Variants in RALGAPA1 observed in about 807,000 individuals in gnomAD.
The protein encoded by RALGAPA1 is ral GTPase-activating protein subunit alpha-1.
In RALGAPA1, 52 loss-of-function variants were observed where a neutral mutation model predicts 269.6. That is an observed-to-expected ratio of 0.19 (90% confidence interval 0.15 to 0.24). RALGAPA1 has a LOEUF of 0.24. Among genes scored for constraint, RALGAPA1 ranks in the 10% least tolerant of loss-of-function variants. RALGAPA1 has a pLI of 1.00. For missense variants in RALGAPA1, 1,917 were observed against 3,013.9 expected, an observed-to-expected ratio of 0.64 and a Z score of 8.52; for synonymous variants, 817 against 1,008.3, an observed-to-expected ratio of 0.81 and a Z score of 3.60.
intron 39 of RALGAPA1, among the ~76,000 whole-genome samples, chr14:35,551,652 G>A (rs1040424877): frequency 6.6e-6 from 1 of 151,940 alleles, no homozygotes; most frequent in African/African-American, 2.4e-5. Context: ...TCTAAAGCAG[G>A]GGAGGATATT....
intron 33 of RALGAPA1, among the ~76,000 whole-genome samples, chr14:35,633,916 AACTATGT>A (rs1025985481): frequency 3.3e-5 from 5 of 152,184 alleles, no homozygotes; most frequent in Non-Finnish European, 7.4e-5. Context: ...TTACTGAGTT[AACTATGT>A]ACTAAGTAAG....
intron 35 of RALGAPA1, among the ~76,000 whole-genome samples, chr14:35,613,999 A>AT (rs1256690128): frequency 6.6e-6 from 1 of 152,230 alleles, no homozygotes; most frequent in Non-Finnish European, 1.5e-5. Flanking sequence ...GGAAAAAGCA[A>AT]TACTAAAAAA....
Position 35,774,999 on chromosome 14 carries a change from C to A in RALGAPA1, c.267+7G>T, listed in dbSNP as rs1425664451. ...AAAAGGGAAAAGTTAGGTTCAGAAG[C>A]ACTTACCTCAAAAATAAAAAGTATA... is the stretch of plus-strand genomic sequence containing the variant. On this transcript the variant is annotated splice_region_variant and intron_variant, in intron 3 of 41. Coordinates refer to ENST00000680220, the MANE Select transcript of RALGAPA1 (RefSeq NM_001346249.2). The A allele has an allele frequency of 3.9e-6, 6 of 1,548,162 alleles. No homozygotes were observed. The highest frequency in any genetic ancestry group is 1.2e-5 in the South Asian group (1 of 85,302).
rs992860989 is a variant in RALGAPA1, at chr14:35,806,720, AT to A, written c.106+2009del. ...AAGCCTGTGTAACTGGCAATGCCCA[AT>A]TACTCTGCAAACTAGTTTCCTCATT... On this transcript the variant is annotated intron_variant, in intron 1 of 41. Coordinates refer to ENST00000680220, the MANE Select transcript of RALGAPA1 (RefSeq NM_001346249.2). 2.0e-4 allele frequency among the ~76,000 whole-genome samples: 30 copies of A among 152,308 alleles called. 1 individual carries two copies. The highest frequency in any genetic ancestry group is 1.0e-3 in the Admixed American group (16 of 15,288).
chr14:35,618,968 C>T (rs765092131), intron 35 of RALGAPA1, among the ~76,000 whole-genome samples: 8 of 150,324 alleles, frequency 5.3e-5, no homozygotes, highest in Non-Finnish European at 1.2e-4. Flanking sequence ...TATTGAATAT[C>T]CAATCAAATA....
At chr14:35,706,607 GCCTTT>G (rs2067831380) in intron 16 of RALGAPA1, 1 of 137,726 alleles carries the variant, frequency 7.3e-6, no homozygotes, top group Non-Finnish European at 1.5e-5. Context: ...TGGCTCTTTT[GCCTTT>G]CCTTTTTTTT....
chr14:35,612,561 CAG>C (rs2060009876), intron 35 of RALGAPA1, among the ~76,000 whole-genome samples: 1 of 142,672 alleles, frequency 7.0e-6, no homozygotes, highest in Admixed American at 7.1e-5. Flanking sequence ...TTTTTTGAGA[CAG>C]AGTCTTGCTC....
At chr14:35,777,679 C>A (rs1240115318) in intron 1 of RALGAPA1, among the ~76,000 whole-genome samples, 1 of 152,154 alleles carries the variant, frequency 6.6e-6, no homozygotes, top group Non-Finnish European at 1.5e-5. Flanking sequence ...TCTCCTGCCT[C>A]AGACTCCCGA....
chr14:35,737,958 C>T (rs150082174), intron 12 of RALGAPA1, among the ~76,000 whole-genome samples: 45 of 143,002 alleles, frequency 3.1e-4, no homozygotes, highest in African/African-American at 6.8e-4. Flanking sequence ...CATAGTGGCA[C>T]GCGCCTGTAA....
intron 39 of RALGAPA1, among the ~76,000 whole-genome samples, chr14:35,563,020 CAAAAAAAAAAA>C (rs71445944): frequency 3.0e-4 from 11 of 37,234 alleles, no homozygotes; most frequent in South Asian, 2.5e-3. Context: ...GAGTCCGTCT[CAAAAAAAAAAA>C]AAAAAAAAAA....
chr14:35,730,093 C>A lies in RALGAPA1; in HGVS notation c.1588-1583G>T, dbSNP rs114034091. Among the ~76,000 whole-genome samples, 772 of 152,256 alleles carry A rather than the reference C, an allele frequency of 5.1e-3. 7 individuals carry two copies. The highest frequency in any genetic ancestry group is 0.018 in the African/African-American group (745 of 41,542). On this transcript the variant is annotated intron_variant, in intron 12 of 41. Coordinates refer to ENST00000680220, the MANE Select transcript of RALGAPA1 (RefSeq NM_001346249.2). ...AACGGCAGAAGTGGGAAATGGAGATCCTTCTCTCCCGAAAACACACACCCA... is the reference window on the plus strand; with the variant it reads ...AACGGCAGAAGTGGGAAATGGAGATACTTCTCTCCCGAAAACACACACCCA...
At chr14:35,699,046 C>T (rs2067126996) in intron 17 of RALGAPA1, among the ~76,000 whole-genome samples, 1 of 152,024 alleles carries the variant, frequency 6.6e-6, no homozygotes, top group South Asian at 2.1e-4. Context: ...ATGTAAAATA[C>T]GTCCATTCAT....
intron 1 of RALGAPA1, among the ~76,000 whole-genome samples, chr14:35,802,952 T>C (rs2077087237): frequency 6.6e-6 from 1 of 152,080 alleles, no homozygotes; most frequent in African/African-American, 2.4e-5. Context: ...CCTCCCAAAG[T>C]GCTGGGATTA....
chr14:35,609,310 C>T lies in RALGAPA1; in HGVS notation c.6930-3601G>A, dbSNP rs547027082. On this transcript the variant is annotated intron_variant, in intron 35 of 41. Coordinates refer to ENST00000680220, the MANE Select transcript of RALGAPA1 (RefSeq NM_001346249.2). The stretch of plus-strand genomic sequence containing the variant: ...AATCATGCAAGGTATATTTTTTATC[C>T]ACAATGGAATGAAAGTAGAAATCAA... 9.2e-5 allele frequency among the ~76,000 whole-genome samples: 14 copies of T among 151,450 alleles called. No homozygotes were observed. The South Asian group carries it at 1.0e-3, about 11-fold the overall frequency.
chr14:35,566,885 T>TA (rs2056759361), intron 39 of RALGAPA1, among the ~76,000 whole-genome samples: 1 of 141,244 alleles, frequency 7.1e-6, no homozygotes, highest in African/African-American at 2.8e-5. Flanking sequence ...ATATATATAT[T>TA]TGTACTATAT....
Position 35,672,934 on chromosome 14 carries a change from G to A in RALGAPA1, c.5006C>T (p.Ser1669Phe). Residue 1669 changes from serine (S) to phenylalanine (F), a missense_variant, in exon 25 of 42, where the codon TCT becomes TTT. Transcript: ENST00000680220. ...ATGTGTTAGAAAATCTCTATTTGGA[G>A]AAACATCTTGTCTTCTTTTCATTGT... is the stretch of plus-strand genomic sequence containing the variant. ...CNTMKRRQDV[S>F]PNRDFLTHFY... The A allele has an allele frequency of 6.4e-7, 1 of 1,572,614 alleles. No homozygotes were observed. Among genetic ancestry groups the A allele is most frequent in the Non-Finnish European group, 8.6e-7 (1 of 1,160,156 alleles).
intron 1 of RALGAPA1, among the ~76,000 whole-genome samples, chr14:35,803,624 T>A (rs1391375113): frequency 2.0e-5 from 3 of 151,338 alleles, no homozygotes; most frequent in Admixed American, 2.0e-4. Context: ...GTATCTAGAA[T>A]ATATAAAGAA....
intron 36 of RALGAPA1, among the ~76,000 whole-genome samples, chr14:35,596,574 C>A (rs1031638861): frequency 6.6e-6 from 1 of 152,048 alleles, no homozygotes; most frequent in Non-Finnish European, 1.5e-5. Context: ...AATCCCTGCA[C>A]CATATGAACT....
At chr14:35,784,378 A>G (rs1191419334) in intron 1 of RALGAPA1, among the ~76,000 whole-genome samples, 1 of 152,182 alleles carries the variant, frequency 6.6e-6, no homozygotes, top group Non-Finnish European at 1.5e-5. Context: ...AAAAGGCCAT[A>G]TATTTATTAT....
Sources: gnomAD v4.1 joint callset for allele counts (sites outside exome capture counted in the v4.1 genomes callset) on GRCh38, gnomAD v4.1.1 for gene constraint, MANE v1.5 for transcripts, NCBI Gene and HGNC (gene_info 2026-07-23, HGNC 2026-07-21) for gene names.